The following SIPA1L1 variants were observed in gnomAD, a reference collection of about 807,000 sequenced individuals.
SIPA1L1 encodes signal induced proliferation associated 1 like 1.
Under a neutral mutation model 162.7 loss-of-function variants are expected in SIPA1L1, and 26 were observed. That is an observed-to-expected ratio of 0.16 (90% confidence interval 0.12 to 0.22). The LOEUF (loss-of-function observed/expected upper bound fraction) is 0.22, where lower values mean the gene tolerates loss of function less well. Among genes scored for constraint, SIPA1L1 ranks in the 10% least tolerant of loss-of-function variants. SIPA1L1 has a pLI of 1.00. For synonymous variants in SIPA1L1, 829 were observed against 837.4 expected (o/e 0.99, Z 0.17); for missense variants, 1,874 against 2,241.0 (o/e 0.84, Z 3.31).
intron 4 of SIPA1L1, among the ~76,000 whole-genome samples, chr14:71,562,992 G>C (rs1341390365): frequency 6.6e-6 from 1 of 152,156 alleles, no homozygotes; most frequent in East Asian, 1.9e-4. Context: ...GTCAAAAAAT[G>C]TTGTTATTTA....
At chr14:71,493,685 A>T (rs747941334) in intron 2 of SIPA1L1, among the ~76,000 whole-genome samples, 26 of 152,238 alleles carry the variant, frequency 1.7e-4, no homozygotes, top group Non-Finnish European at 2.8e-4. Flanking sequence ...CAGTGGAACA[A>T]AGGTTATGTA....
intron 4 of SIPA1L1, among the ~76,000 whole-genome samples, chr14:71,569,810 A>AG (rs1449357142): frequency 1.3e-5 from 2 of 152,186 alleles, no homozygotes; most frequent in African/African-American, 4.8e-5. Context: ...TACTTGCCTG[A>AG]GGTTGTCAGT....
intron 2 of SIPA1L1, among the ~76,000 whole-genome samples, chr14:71,442,876 C>T (rs2045020240): frequency 6.6e-6 from 1 of 152,248 alleles, no homozygotes; most frequent in South Asian, 2.1e-4. Context: ...GTCAAGGCTG[C>T]AGTGAGCTAT....
rs940005496 is a variant in SIPA1L1, at chr14:71,377,110, C to T, written c.-465+55929C>T. On this transcript the variant is annotated intron_variant, in intron 2 of 23. Coordinates refer to ENST00000381232, the MANE Select transcript of SIPA1L1 (RefSeq NM_001386936.1). This position sits in a 1 kb window ranked among gnomAD's most constrained non-coding sequence, Gnocchi z 4.8. ...CTCCTCACTTTCCAGATGTGGCGGC[C>T]GGGCAGAGGGGCCCCCCCACCCCCC... is the stretch of plus-strand genomic sequence containing the variant. Among the ~76,000 whole-genome samples, 14 of 151,296 alleles carry T rather than the reference C, an allele frequency of 9.3e-5. No individual in the cohort carries two copies. The highest frequency in any genetic ancestry group is 2.1e-4 in the South Asian group (1 of 4,802).
chr14:71,469,694 C>G (rs1331710813), intron 2 of SIPA1L1, among the ~76,000 whole-genome samples: 1 of 152,126 alleles, frequency 6.6e-6, no homozygotes, highest in African/African-American at 2.4e-5. Context: ...CATCCATATT[C>G]TCATGTGAAA....
At chr14:71,340,904 A>C (rs556854349) in intron 2 of SIPA1L1, among the ~76,000 whole-genome samples, 28 of 152,298 alleles carry the variant, frequency 1.8e-4, no homozygotes, top group Admixed American at 5.2e-4. Flanking sequence ...GCACCACTGC[A>C]CTCCAGCCTG....
At chr14:71,379,144 T>C (rs1444131847) in intron 2 of SIPA1L1, among the ~76,000 whole-genome samples, 3 of 152,176 alleles carry the variant, frequency 2.0e-5, no homozygotes, top group Non-Finnish European at 4.4e-5. Flanking sequence ...AATTCCCAGT[T>C]ATGTGTTGCT....
At chr14:71,322,128 C>T (rs140970850) in intron 2 of SIPA1L1, among the ~76,000 whole-genome samples, 289 of 152,348 alleles carry the variant, frequency 1.9e-3, no homozygotes, top group African/African-American at 6.8e-3. Context: ...TGTCGACTTT[C>T]ATCAGGTTCC....
chr14:71,541,000 C>T (rs1398411246), intron 4 of SIPA1L1, among the ~76,000 whole-genome samples: 2 of 152,228 alleles, frequency 1.3e-5, no homozygotes, highest in Middle Eastern at 3.4e-3. Context: ...TGGTGGCACA[C>T]ACCTGTAGTC....
intron 8 of SIPA1L1, among the ~76,000 whole-genome samples, chr14:71,652,067 A>T (rs905864708): frequency 6.6e-6 from 1 of 151,628 alleles, no homozygotes; most frequent in Non-Finnish European, 1.5e-5. Flanking sequence ...GAAGGATTCA[A>T]AGAATCCTTC....
chr14:71,401,782 C>A (rs1186266064), intron 2 of SIPA1L1, among the ~76,000 whole-genome samples: 2 of 151,796 alleles, frequency 1.3e-5, no homozygotes, highest in African/African-American at 4.8e-5. Context: ...ACCAGAAAAA[C>A]AGAAATAAAA....
intron 4 of SIPA1L1, among the ~76,000 whole-genome samples, chr14:71,575,258 A>G (rs1026585137): frequency 6.6e-6 from 1 of 151,992 alleles, no homozygotes; most frequent in Non-Finnish European, 1.5e-5. Context: ...TGTCCCTTGC[A>G]CTGGATCCTT....
rs776372486 is a variant in SIPA1L1 at position 71,698,984 on chromosome 14, G to A, written c.3378G>A (p.Leu1126=). 1.2e-6 allele frequency: 2 copies of A among 1,614,178 alleles called. No homozygotes were observed. Among genetic ancestry groups the A allele is most frequent in the Non-Finnish European group, 1.7e-6 (2 of 1,180,000 alleles). The change falls in exon 14 of 24, where the codon CTG becomes CTA. Residue 1126 remains leucine, a synonymous_variant. Coordinates refer to ENST00000381232, the MANE Select transcript of SIPA1L1 (RefSeq NM_001386936.1). ...TGTTTTTGTATTGCACATGCAGGCTGTCTCCTGGTTCGGACATCTATGTGA... is the reference window on the plus strand; with the variant it reads ...TGTTTTTGTATTGCACATGCAGGCTATCTCCTGGTTCGGACATCTATGTGA... The part of the protein sequence containing the change: ...SSDGRPLERR[L]SPGSDIYVTV...
chr14:71,575,315 A>C (rs1282845650), intron 4 of SIPA1L1, among the ~76,000 whole-genome samples: 1 of 152,144 alleles, frequency 6.6e-6, no homozygotes, highest in Non-Finnish European at 1.5e-5. Flanking sequence ...CTGTGCCCCC[A>C]GCCCACACAC....
chr14:71,672,440 G>A lies in SIPA1L1; in HGVS notation c.2922G>A (p.Val974=). Residue 974 remains valine (V), a synonymous_variant, in exon 12 of 24, where the codon GTG becomes GTA. Coordinates refer to ENST00000381232, the MANE Select transcript of SIPA1L1 (RefSeq NM_001386936.1). ...TCCATGTCAACTATGAGGGCATTGT[G>A]GCGGATGTGGAGCCCTACGGTTATG... ...LGFHVNYEGI[V]ADVEPYGYAW... 1 of 1,614,254 alleles carries A rather than the reference G, an allele frequency of 6.2e-7. No homozygotes were observed. Among genetic ancestry groups the A allele is most frequent in the East Asian group, 2.2e-5 (1 of 44,888 alleles).
intron 4 of SIPA1L1, among the ~76,000 whole-genome samples, chr14:71,542,256 CTCT>C (rs536583206): frequency 1.8e-3 from 264 of 150,652 alleles, no homozygotes; most frequent in Non-Finnish European, 2.7e-3. Flanking sequence ...CCTCCTCCTC[CTCT>C]TCTTCTTCTT....
At chr14:71,633,523 A>G (rs1415128703) in intron 7 of SIPA1L1, among the ~76,000 whole-genome samples, 1 of 152,190 alleles carries the variant, frequency 6.6e-6, no homozygotes, top group Non-Finnish European at 1.5e-5. Flanking sequence ...CAAAAAATTG[A>G]AGGTATTAAG....
chr14:71,544,120 T>G (rs976897716), intron 4 of SIPA1L1, among the ~76,000 whole-genome samples: 1 of 151,128 alleles, frequency 6.6e-6, no homozygotes, highest in South Asian at 2.1e-4. Flanking sequence ...TATACACATA[T>G]ATGCACGTGT....
intron 2 of SIPA1L1, among the ~76,000 whole-genome samples, chr14:71,363,043 TCTCA>T (rs1209307623): frequency 1.3e-5 from 2 of 152,226 alleles, no homozygotes; most frequent in African/African-American, 4.8e-5. Context: ...ACACTCACAG[TCTCA>T]CTCATTTAAA....
Sources: allele counts gnomAD v4.1 joint callset (sites outside exome capture counted in the v4.1 genomes callset), GRCh38; gene constraint gnomAD v4.1.1; non-coding constraint Gnocchi (gnomAD v3.1); transcripts MANE v1.5; gene names NCBI Gene and HGNC (gene_info 2026-07-23, HGNC 2026-07-21).